ATG2B: variants seen among roughly 807,000 people sequenced by gnomAD.
ATG2B encodes the protein autophagy related 2B.
In ATG2B, 121 loss-of-function variants were observed where a neutral mutation model predicts 241.3. The observed-to-expected ratio is 0.50, with a 90% CI of 0.43 to 0.58. The LOEUF is 0.58. Ranked by LOEUF, ATG2B falls within the 20% of genes least tolerant of loss-of-function variation. ATG2B has a pLI of 0.00. For missense variants in ATG2B, 2,306 were observed against 2,491.6 expected, an observed-to-expected ratio of 0.93 and a Z score of 1.59; for synonymous variants, 858 against 876.6, an observed-to-expected ratio of 0.98 and a Z score of 0.37.
intron 32 of ATG2B, among the ~76,000 whole-genome samples, chr14:96,303,982 T>C (rs1298638051): frequency 1.3e-5 from 2 of 152,244 alleles, no homozygotes; most frequent in Non-Finnish European, 2.9e-5. Flanking sequence ...AATATTGCCA[T>C]GCTAACTATC....
At chr14:96,359,898 T>A (rs1888578479) in intron 1 of ATG2B, among the ~76,000 whole-genome samples, 1 of 152,248 alleles carries the variant, frequency 6.6e-6, no homozygotes, top group Admixed American at 6.5e-5. Context: ...GTTGTACTTA[T>A]ATTTAATATA....
At position 96,284,839 on chromosome 14, in the gene ATG2B, T is replaced by C. The variant is rs561493587; in HGVS notation, c.*916A>G. 3 of 152,220 alleles carry C rather than the reference T, an allele frequency of 2.0e-5. No homozygotes were observed. The highest frequency in any genetic ancestry group is 2.9e-5 in the Non-Finnish European group (2 of 68,034). 9.4% of individuals were successfully genotyped at this position (152,220 alleles called of 1,614,324 possible). On this transcript the variant is annotated 3_prime_UTR_variant, in exon 42 of 42. Transcript: ENST00000359933. ...AAAATGGTATGCTGAAATAGTTAAC[T>C]AGGGCATATTTGAAGAATTTTGTTT...
At chr14:96,334,339 C>T (rs1432505673) in intron 7 of ATG2B, 66 bp downstream of exon 7, 8 of 958,478 alleles carry the variant, frequency 8.3e-6, no homozygotes, top group South Asian at 8.0e-5. Context: ...ACATACATTA[C>T]ATATTTTAAA....
At chr14:96,326,736 G>A (rs919003844) in intron 14 of ATG2B, among the ~76,000 whole-genome samples, 3 of 151,948 alleles carry the variant, frequency 2.0e-5, no homozygotes, top group African/African-American at 7.3e-5. Flanking sequence ...TTTTGTGTTT[G>A]TTTTTTTCGA....
rs186778711 is a variant in ATG2B at position 96,347,411 on chromosome 14, G to A, written c.163-70C>T. On this transcript the variant is annotated intron_variant, in intron 1 of 41. Transcript: ENST00000359933. ...CACAAAGTTGTGAACTTATTCAAAG[G>A]TGTCAAATATGCCCACACATGTTAG... 8.1e-4 allele frequency: 1,034 copies of A among 1,283,634 alleles called. 6 individuals carry two copies. In the African/African-American group the frequency reaches 0.014, roughly 17 times the overall value. The allele number at this position is 1,283,634 out of a possible 1,614,324, so 79.5% of individuals were successfully genotyped here. A position where few individuals can be genotyped will look rare whatever the true frequency, so the allele number is the denominator to read the frequency against.
rs201349483 is a variant in ATG2B at position 96,285,894 on chromosome 14, C to T, written c.6098G>A (p.Arg2033His). 12 of 1,613,932 alleles carry T rather than the reference C, an allele frequency of 7.4e-6. No homozygotes were observed. Among genetic ancestry groups the T allele is most frequent in the Non-Finnish European group, 9.3e-6 (11 of 1,180,014 alleles). Residue 2033 changes from arginine to histidine, a missense_variant, in exon 42 of 42, where the codon CGC (arginine) becomes CAC (histidine). Arg to His is a conservative substitution (Grantham distance 29, BLOSUM62 0). Around this residue, in one of 2 missense-constraint regions of ATG2B, gnomAD observed 379 missense variants for 480.4 expected, o/e 0.79. Coordinates refer to ENST00000359933, the MANE Select transcript of ATG2B (RefSeq NM_018036.7). This position sits in a 1 kb window ranked among gnomAD's most constrained non-coding sequence, Gnocchi z 4.2. ...TTTCACCACTGCCGGAGGAATCTGGCGCAGAACCTCGCCCACGGCACCAGT... is the reference window on the plus strand; with the variant it reads ...TTTCACCACTGCCGGAGGAATCTGGTGCAGAACCTCGCCCACGGCACCAGT... Reference protein sequence around the residue: ...GVTGAVGEVLRQIPPAVVKPL... With the variant: ...GVTGAVGEVLHQIPPAVVKPL...
intron 35 of ATG2B, 31 bp from the exon 36 acceptor site, chr14:96,295,198 T>C: frequency 2.0e-6 from 3 of 1,535,544 alleles, no homozygotes; most frequent in Non-Finnish European, 2.7e-6. Flanking sequence ...TTTGAAAAAT[T>C]AGATATGCTT....
chr14:96,282,962 A>T lies in ATG2B; in HGVS notation c.*2793T>A, dbSNP rs1457801463. ...GATAAATATATGTACTTAAGCGAGA[A>T]TCCAAATCGTACCCAAACTTCATGA... On this transcript the variant is annotated 3_prime_UTR_variant, in exon 42 of 42. Transcript: ENST00000359933. 4 of 152,258 alleles carry T rather than the reference A, an allele frequency of 2.6e-5. No individual in the cohort carries two copies. The highest frequency in any genetic ancestry group is 9.6e-5 in the African/African-American group (4 of 41,470). 9.4% of individuals were successfully genotyped at this position (152,258 alleles called of 1,614,324 possible).
chr14:96,310,492 T>C (rs1376655461), intron 28 of ATG2B, among the ~76,000 whole-genome samples: 2 of 152,160 alleles, frequency 1.3e-5, no homozygotes, highest in Non-Finnish European at 2.9e-5. Flanking sequence ...AATTTGGACA[T>C]AAGAGAAGTT....
rs1186977514 is a variant in ATG2B at position 96,282,888 on chromosome 14, C to T, written c.*2867G>A. 6.6e-6 allele frequency: 1 copy of T among 152,230 alleles called. No homozygotes were observed. Among genetic ancestry groups the T allele is most frequent in the South Asian group, 2.1e-4 (1 of 4,830 alleles). 9.4% of individuals were successfully genotyped at this position (152,230 alleles called of 1,614,324 possible). A position where few individuals can be genotyped will look rare whatever the true frequency, so the allele number is the denominator to read the frequency against. ...TTAGTATTTTGCCATCTTAGGCACACTGCTACTTGGAAAGATTTTTTAAGT... is the reference window on the plus strand; with the variant it reads ...TTAGTATTTTGCCATCTTAGGCACATTGCTACTTGGAAAGATTTTTTAAGT... On this transcript the variant is annotated 3_prime_UTR_variant, in exon 42 of 42. Coordinates refer to ENST00000359933, the MANE Select transcript of ATG2B (RefSeq NM_018036.7).
At chr14:96,299,801 T>C (rs1163112073) in intron 34 of ATG2B, among the ~76,000 whole-genome samples, 2 of 152,202 alleles carry the variant, frequency 1.3e-5, no homozygotes, top group Admixed American at 6.5e-5. Flanking sequence ...AATGTGTTGC[T>C]TTCATACTTA....
chr14:96,347,437 G>T, intron 1 of ATG2B, 96 bp from the exon 2 acceptor site: 1 of 908,580 alleles, frequency 1.1e-6, no homozygotes, highest in Non-Finnish European at 1.6e-6. Flanking sequence ...CACATGTTAG[G>T]CACTAGGTAT....
At chr14:96,348,771 T>A (rs943008813) in intron 1 of ATG2B, among the ~76,000 whole-genome samples, 5 of 152,212 alleles carry the variant, frequency 3.3e-5, no homozygotes, top group Admixed American at 3.3e-4. Flanking sequence ...AGAGCACAAC[T>A]GAATTATATG....
chr14:96,300,616 C>T (rs1011956098), intron 34 of ATG2B, among the ~76,000 whole-genome samples: 11 of 152,214 alleles, frequency 7.2e-5, no homozygotes, highest in Admixed American at 2.0e-4. Context: ...CACTGGTGAT[C>T]GCCACAGATC....
chr14:96,309,647 A>C, intron 28 of ATG2B, 53 bp from the exon 29 acceptor site: 1 of 1,509,082 alleles, frequency 6.6e-7, no homozygotes, highest in Non-Finnish European at 9.0e-7. Flanking sequence ...TAAAAACCAA[A>C]CTACTTACAT....
chr14:96,300,208 T>C (rs1886752891), intron 34 of ATG2B, among the ~76,000 whole-genome samples: 1 of 152,198 alleles, frequency 6.6e-6, no homozygotes, highest in African/African-American at 2.4e-5. Context: ...GTGTTCAATA[T>C]TAAATTTAAA....
chr14:96,362,817 A>G lies in ATG2B; in HGVS notation c.160T>C (p.Trp54Arg), dbSNP rs756135778. ...GGCTCGCCGCCGGCAGCTCTTACCC[A>G]TTTGTCCAAGGGGACCTGGGCGAGG... ...GSLAQVPLDKWCLNEILESAD... is the reference protein window; with the variant it reads ...GSLAQVPLDKRCLNEILESAD... The change falls in exon 1 of 42, where the codon TGG becomes CGG. Residue 54 changes from tryptophan to arginine, a missense_variant and splice_region_variant. By Grantham distance (101) the Trp-to-Arg change is moderately radical. Transcript: ENST00000359933. 6.2e-7 allele frequency: 1 copy of G among 1,601,452 alleles called. No homozygotes were observed. Among genetic ancestry groups the G allele is most frequent in the Non-Finnish European group, 8.5e-7 (1 of 1,171,924 alleles).
intron 6 of ATG2B, among the ~76,000 whole-genome samples, chr14:96,337,163 C>T (rs533129760): frequency 2.0e-5 from 3 of 152,130 alleles, no homozygotes; most frequent in South Asian, 2.1e-4. Context: ...TGCATCTGTC[C>T]GAAAAACTGG....
Position 96,315,151 on chromosome 14 carries a change from T to TA in ATG2B, c.3642+2dup. The TA allele has an allele frequency of 6.2e-7, 1 of 1,612,536 alleles. No homozygotes were observed. Among genetic ancestry groups the TA allele is most frequent in the Non-Finnish European group, 8.5e-7 (1 of 1,178,606 alleles). On this transcript the variant is annotated splice_region_variant and intron_variant, in intron 23 of 41. Coordinates refer to ENST00000359933, the MANE Select transcript of ATG2B (RefSeq NM_018036.7). ...ATTAATACATATATAACAGCTCTCTTACCTGCTCATGCCAGCTAAGCCCAG... is the reference window on the plus strand; with the variant it reads ...ATTAATACATATATAACAGCTCTCTTAACCTGCTCATGCCAGCTAAGCCCAG...
Sources: allele counts gnomAD v4.1 joint callset (sites outside exome capture counted in the v4.1 genomes callset), GRCh38; gene constraint gnomAD v4.1.1; regional missense constraint gnomAD v4.1.1; non-coding constraint Gnocchi (gnomAD v3.1); transcripts MANE v1.5; gene names NCBI Gene and HGNC (gene_info 2026-07-23, HGNC 2026-07-21).